CLYBL: variants seen among roughly 807,000 people sequenced by gnomAD.
CLYBL encodes the protein citramalyl-CoA lyase, also known as citramalyl-CoA lyase, mitochondrial.
A neutral mutation model predicts 38.9 loss-of-function variants in CLYBL; 31 were observed. That is an observed-to-expected ratio of 0.80 (90% CI 0.60 to 1.08). The LOEUF (loss-of-function observed/expected upper bound fraction) is 1.08. CLYBL is among the 50% of genes least tolerant of loss of function. The pLI is 0.00. For missense variants in CLYBL, 434 were observed against 411.6 expected (o/e 1.05, Z -0.47); for synonymous variants, 171 against 158.6 (o/e 1.08, Z -0.59).
At chr13:99,641,680 C>T (rs144171781) in intron 1 of CLYBL, among the ~76,000 whole-genome samples, 1,583 of 151,810 alleles carry the variant, frequency 0.01, 12 homozygotes, top group African/African-American at 0.017. Flanking sequence ...GGCATGGCAG[C>T]GTGCACCTGT....
chr13:99,842,558 T>C (rs1422831566), intron 2 of CLYBL, among the ~76,000 whole-genome samples: 1 of 152,074 alleles, frequency 6.6e-6, no homozygotes, highest in Non-Finnish European at 1.5e-5. Context: ...ACAAGAGCTA[T>C]AAATAAGCTA....
At chr13:99,676,897 G>A (rs9517827) in intron 1 of CLYBL, among the ~76,000 whole-genome samples, 51,777 of 151,404 alleles carry the variant, frequency 0.34, 9,327 homozygotes, top group East Asian at 0.59. Context: ...GAGCCACTGC[G>A]CTCGGCCCAT....
chr13:99,888,358 T>C (rs372607571), intron 7 of CLYBL, among the ~76,000 whole-genome samples: 11 of 152,332 alleles, frequency 7.2e-5, no homozygotes, highest in African/African-American at 2.6e-4. Context: ...GAGCATTACA[T>C]GAAATAATGT....
At chr13:99,767,753 T>G (rs1315557799) in intron 1 of CLYBL, among the ~76,000 whole-genome samples, 4 of 152,244 alleles carry the variant, frequency 2.6e-5, no homozygotes, top group Non-Finnish European at 5.9e-5. Flanking sequence ...AGTGAATTTT[T>G]CATTTCAATT....
At chr13:99,762,027 G>C (rs1019982935) in intron 1 of CLYBL, among the ~76,000 whole-genome samples, 22 of 152,128 alleles carry the variant, frequency 1.4e-4, no homozygotes, top group African/African-American at 5.1e-4. Context: ...GTTTTTTGCT[G>C]TTCAGTTGTT....
intron 1 of CLYBL, among the ~76,000 whole-genome samples, chr13:99,621,154 G>A (rs2046789771): frequency 6.6e-6 from 1 of 152,118 alleles, no homozygotes; most frequent in Admixed American, 6.5e-5. Context: ...CACTTTTTAA[G>A]CTTCCTAACG....
chr13:99,697,820 T>C (rs936321707), intron 1 of CLYBL, among the ~76,000 whole-genome samples: 4 of 151,226 alleles, frequency 2.6e-5, no homozygotes, highest in African/African-American at 9.7e-5. Flanking sequence ...CTAATTTTTA[T>C]ATTTTTTGGT....
intron 7 of CLYBL, among the ~76,000 whole-genome samples, chr13:99,883,463 G>T (rs567247715): frequency 3.3e-5 from 5 of 150,698 alleles, no homozygotes; most frequent in African/African-American, 1.2e-4. Context: ...AGGTTCCAAT[G>T]AGCCGAGATC....
chr13:99,734,917 A>G (rs551924072), intron 1 of CLYBL, among the ~76,000 whole-genome samples: 1 of 152,282 alleles, frequency 6.6e-6, no homozygotes, highest in East Asian at 1.9e-4. Context: ...TTACTATAAA[A>G]TCTACCCAGT....
intron 2 of CLYBL, among the ~76,000 whole-genome samples, chr13:99,817,303 A>G (rs1162994697): frequency 6.6e-6 from 1 of 152,112 alleles, no homozygotes; most frequent in African/African-American, 2.4e-5. Flanking sequence ...AGGAGAGGAG[A>G]CGAAAGGAGA....
chr13:99,614,618 G>T (rs534036737), intron 1 of CLYBL, among the ~76,000 whole-genome samples: 70 of 152,272 alleles, frequency 4.6e-4, no homozygotes, highest in African/African-American at 1.6e-3. Flanking sequence ...CGTGCCTGCT[G>T]AACGGCCTCA....
rs575740578 is a variant in CLYBL at position 99,695,543 on chromosome 13, G to A, written c.63-77281G>A. On this transcript the variant is annotated intron_variant, in intron 1 of 8. Coordinates refer to ENST00000339105, the MANE Select transcript of CLYBL (RefSeq NM_206808.5). ...TTTTTTTTCCTTTTTGTTTTGAGAC[G>A]GAGTCTCCCTCTGTCGCCCAGGCTG... Among the ~76,000 whole-genome samples the A allele has an allele frequency of 4.6e-5, 7 of 151,868 alleles. No individual in the cohort carries two copies. In the East Asian group the frequency reaches 9.7e-4, roughly 21 times the overall value.
chr13:99,760,339 A>T (rs1010295608), intron 1 of CLYBL, among the ~76,000 whole-genome samples: 3 of 152,112 alleles, frequency 2.0e-5, no homozygotes, highest in East Asian at 1.9e-4. Flanking sequence ...TATGGCTTTT[A>T]TAATTGCCTA....
chr13:99,784,423 A>C (rs1394332596), intron 2 of CLYBL, among the ~76,000 whole-genome samples: 1 of 119,056 alleles, frequency 8.4e-6, no homozygotes, highest in African/African-American at 2.7e-5. Context: ...GCTTTTTGTT[A>C]TTCCTCTGCT....
At chr13:99,859,077 C>T in intron 3 of CLYBL, 28 bp downstream of exon 3, 2 of 1,581,220 alleles carry the variant, frequency 1.3e-6, no homozygotes, top group Non-Finnish European at 1.7e-6. Flanking sequence ...TGCCTTAAGA[C>T]TCAGGAGCAG....
At chr13:99,810,356 C>T (rs1315803401) in intron 2 of CLYBL, among the ~76,000 whole-genome samples, 2 of 152,120 alleles carry the variant, frequency 1.3e-5, no homozygotes, top group African/African-American at 4.8e-5. Flanking sequence ...TGTGGAAATG[C>T]CATTTGAACT....
intron 2 of CLYBL, among the ~76,000 whole-genome samples, chr13:99,852,884 C>G (rs2051365885): frequency 6.6e-6 from 1 of 152,352 alleles, no homozygotes. Context: ...GTCCCTCTCT[C>G]CATCCATCGA....
intron 1 of CLYBL, among the ~76,000 whole-genome samples, chr13:99,624,963 C>T (rs187100134): frequency 1.3e-5 from 2 of 152,324 alleles, no homozygotes; most frequent in Admixed American, 1.3e-4. Flanking sequence ...ATCCTTCCCC[C>T]ACCTTCACCT....
intron 2 of CLYBL, among the ~76,000 whole-genome samples, chr13:99,818,912 G>A (rs1220761531): frequency 6.6e-6 from 1 of 152,184 alleles, no homozygotes; most frequent in Non-Finnish European, 1.5e-5. Context: ...CTGATGCACT[G>A]TAATTGTCTA....
Sources: gnomAD v4.1 joint callset for allele counts (sites outside exome capture counted in the v4.1 genomes callset) on GRCh38, gnomAD v4.1.1 for gene constraint, MANE v1.5 for transcripts, NCBI Gene and HGNC (gene_info 2026-07-23, HGNC 2026-07-21) for gene names.